Variants in MINDY2 observed in about 807,000 individuals in gnomAD.
The protein encoded by MINDY2 is ubiquitin carboxyl-terminal hydrolase MINDY-2.
Under a neutral mutation model 68.2 loss-of-function variants are expected in MINDY2, and 52 were observed. That is an observed-to-expected ratio of 0.76 (90% CI 0.61 to 0.96). The LOEUF (loss-of-function observed/expected upper bound fraction) is 0.96, where lower values mean the gene tolerates loss of function less well. MINDY2 is among the 40% of genes least tolerant of loss of function. The pLI is 0.00. For synonymous variants in MINDY2, 372 were observed against 303.0 expected (o/e 1.23, Z -2.36); for missense variants, 881 against 773.4 (o/e 1.14, Z -1.65).
In MINDY2 at chr15:58,847,310, T is replaced by C. The variant is rs767214285; in HGVS notation, c.1382T>C (p.Leu461Ser). ...CTTCTTATTAAGGGTCAACTGTATT[T>C]GTTGGTAACGGACCAGGGGTTTCTT... ...TMTKYKGQLY[L>S]LVTDQGFLTE... The change falls in exon 7 of 9, where the codon TTG (leucine) becomes TCG (serine). Residue 461 changes from leucine (L) to serine (S), a missense_variant. By Grantham distance (145) the Leu-to-Ser change is moderately radical. Coordinates refer to ENST00000559228, the MANE Select transcript of MINDY2 (RefSeq NM_001040450.3). The C allele has an allele frequency of 6.3e-7, 1 of 1,575,430 alleles. No homozygotes were observed. Among genetic ancestry groups the C allele is most frequent in the Admixed American group, 1.7e-5 (1 of 58,882 alleles).
At chr15:58,807,134 T>C (rs1348828970) in intron 3 of MINDY2, among the ~76,000 whole-genome samples, 1 of 152,152 alleles carries the variant, frequency 6.6e-6, no homozygotes, top group Non-Finnish European at 1.5e-5. Flanking sequence ...ATTTCCTTCA[T>C]TTTCACCCTT....
intron 6 of MINDY2, among the ~76,000 whole-genome samples, chr15:58,835,006 A>G (rs539965323): frequency 5.9e-5 from 9 of 152,324 alleles, no homozygotes; most frequent in Non-Finnish European, 1.2e-4. Context: ...GAATACTGCT[A>G]AATCATTTTA....
In MINDY2 at chr15:58,782,911, GTTTTTTTT is replaced by G. The variant is rs1157376592; in HGVS notation, c.841-4976_841-4969del. ...TCAATATATTTAATTTTTTCTCTCT[GTTTTTTTT>G]TTTTTTTTTTTTTTTTTTGAGACAG... On this transcript the variant is annotated intron_variant, in intron 1 of 8. Transcript: ENST00000559228. Among the ~76,000 whole-genome samples, 14 of 64,494 alleles carry G rather than the reference GTTTTTTTT, an allele frequency of 2.2e-4. No homozygotes were observed. In the East Asian group the frequency reaches 4.9e-3, roughly 22 times the overall value. The allele number at this position is 64,494 out of a possible 152,430, so 42.3% of individuals were successfully genotyped here. A position where few individuals can be genotyped will look rare whatever the true frequency, so the allele number is the denominator to read the frequency against.
intron 2 of MINDY2, 64 bp from the exon 3 acceptor site, chr15:58,802,249 C>A: frequency 2.8e-6 from 3 of 1,073,814 alleles, no homozygotes; most frequent in Admixed American, 2.4e-5. Context: ...AGATCTATTA[C>A]TTTTGTAATC....
At chr15:58,777,754 C>A (rs2140894309) in intron 1 of MINDY2, among the ~76,000 whole-genome samples, 1 of 152,202 alleles carries the variant, frequency 6.6e-6, no homozygotes, top group African/African-American at 2.4e-5. Context: ...CTCTCATTTT[C>A]AAGAGATAGT....
At chr15:58,824,988 C>G (rs561395301) in intron 5 of MINDY2, among the ~76,000 whole-genome samples, 6 of 152,236 alleles carry the variant, frequency 3.9e-5, no homozygotes, top group Non-Finnish European at 7.4e-5. Flanking sequence ...ATCATATTAT[C>G]TTGAGTGGTG....
chr15:58,782,753 G>C (rs992849046), intron 1 of MINDY2, among the ~76,000 whole-genome samples: 6 of 150,862 alleles, frequency 4.0e-5, no homozygotes, highest in Non-Finnish European at 8.9e-5. Flanking sequence ...TCTCATCACA[G>C]TACTTCTACT....
chr15:58,772,969 G>A (rs1316293195), intron 1 of MINDY2, among the ~76,000 whole-genome samples: 1 of 152,168 alleles, frequency 6.6e-6, no homozygotes, highest in Non-Finnish European at 1.5e-5. Flanking sequence ...GAGCAAAAAA[G>A]GGAAAGACCC....
intron 8 of MINDY2, 147 bp downstream of exon 8, chr15:58,852,112 C>A (rs1339089332): frequency 3.9e-6 from 2 of 519,334 alleles, no homozygotes; most frequent in African/African-American, 2.0e-5. Context: ...CATGGCAAAA[C>A]CCTATCTCTA....
At chr15:58,814,588 A>G (rs541952558) in intron 4 of MINDY2, among the ~76,000 whole-genome samples, 90 of 146,880 alleles carry the variant, frequency 6.1e-4, no homozygotes, top group African/African-American at 2.3e-3. Context: ...CATATTGCTC[A>G]GGCTGGTCTC....
rs1285623622 is a variant in MINDY2, at chr15:58,858,090, A to G, written c.*3480A>G. The G allele has an allele frequency of 6.6e-6, 1 of 152,236 alleles. No individual in the cohort carries two copies. Among genetic ancestry groups the G allele is most frequent in the Non-Finnish European group, 1.5e-5 (1 of 68,034 alleles). 9.4% of individuals were successfully genotyped at this position (152,236 alleles called of 1,614,324 possible). Reference sequence around the variant, plus strand: ...TTAAGAATCACCATTTTAAGAATACATGTGTACATATACACATTAAGCAGT... The same window carrying G: ...TTAAGAATCACCATTTTAAGAATACGTGTGTACATATACACATTAAGCAGT... On this transcript the variant is annotated 3_prime_UTR_variant, in exon 9 of 9. Coordinates refer to ENST00000559228, the MANE Select transcript of MINDY2 (RefSeq NM_001040450.3).
chr15:58,845,260 G>T (rs1285937455), intron 6 of MINDY2, among the ~76,000 whole-genome samples: 1 of 152,038 alleles, frequency 6.6e-6, no homozygotes, highest in African/African-American at 2.4e-5. Flanking sequence ...ACAAAAATTA[G>T]CCAGGTGTGA....
At chr15:58,832,319 C>T (rs2141022088) in intron 6 of MINDY2, among the ~76,000 whole-genome samples, 1 of 150,218 alleles carries the variant, frequency 6.7e-6, no homozygotes, top group Non-Finnish European at 1.5e-5. Flanking sequence ...CTCTGCCTCC[C>T]AGGTTCAGGC....
chr15:58,856,362 A>AGGTCTT lies in MINDY2; in HGVS notation c.*1754_*1755insTCTTGG, dbSNP rs1426773306. 1 of 152,640 alleles carries AGGTCTT rather than the reference A, an allele frequency of 6.6e-6. No individual in the cohort carries two copies. Among genetic ancestry groups the AGGTCTT allele is most frequent in the African/African-American group, 2.4e-5 (1 of 41,442 alleles). The allele number at this position is 152,640 out of a possible 1,614,324, so 9.5% of individuals were successfully genotyped here. ...AACTTTATGATCCAAGACCAGTTATAGGATGAATCTGTATGTAAAAATAGA... is the reference window on the plus strand; with the variant it reads ...AACTTTATGATCCAAGACCAGTTATAGGTCTTGGATGAATCTGTATGTAAAAATAGA... On this transcript the variant is annotated 3_prime_UTR_variant, in exon 9 of 9. Transcript: ENST00000559228.
chr15:58,833,896 G>T (rs529537511), intron 6 of MINDY2, among the ~76,000 whole-genome samples: 5 of 152,014 alleles, frequency 3.3e-5, no homozygotes, highest in Admixed American at 2.0e-4. Context: ...TCGGGCTGCC[G>T]GACGGTCAGG....
At chr15:58,774,517 G>A (rs1403732884) in intron 1 of MINDY2, among the ~76,000 whole-genome samples, 5 of 147,000 alleles carry the variant, frequency 3.4e-5, no homozygotes, top group African/African-American at 7.6e-5. Flanking sequence ...AAAAGGAAAT[G>A]CAAAGATGAG....
At chr15:58,797,823 A>C (rs576025964) in intron 2 of MINDY2, among the ~76,000 whole-genome samples, 1 of 152,152 alleles carries the variant, frequency 6.6e-6, no homozygotes, top group Non-Finnish European at 1.5e-5. Flanking sequence ...GAAGAGATAC[A>C]GTTGTGGTGG....
chr15:58,844,348 C>G (rs1216196598), intron 6 of MINDY2, among the ~76,000 whole-genome samples: 2 of 150,384 alleles, frequency 1.3e-5, no homozygotes, highest in Admixed American at 6.6e-5. Context: ...GAGATTGAGA[C>G]CATCCTGGCT....
intron 4 of MINDY2, among the ~76,000 whole-genome samples, chr15:58,818,705 T>C (rs139391025): frequency 1.2e-3 from 181 of 148,682 alleles, no homozygotes; most frequent in African/African-American, 4.1e-3. Context: ...CCAGGTGTGA[T>C]CTCGGCTCAC....
Sources: allele counts gnomAD v4.1 joint callset (sites outside exome capture counted in the v4.1 genomes callset), GRCh38; gene constraint gnomAD v4.1.1; transcripts MANE v1.5; gene names NCBI Gene and HGNC (gene_info 2026-07-23, HGNC 2026-07-21).